DLGAP2: variants seen among roughly 807,000 people sequenced by gnomAD.
The protein encoded by DLGAP2 is DLG associated protein 2.
In DLGAP2, 26 loss-of-function variants were observed where a neutral mutation model predicts 100.3. The ratio of observed to expected loss-of-function variants is 0.26; its 90% CI spans 0.19 to 0.36. The LOEUF is 0.36. Ranked by LOEUF, DLGAP2 falls within the 10% of genes least tolerant of loss-of-function variation. The pLI is 1.00. For missense variants in DLGAP2, 1,858 were observed against 1,453.2 expected (o/e 1.28, Z -4.53); for synonymous variants, 886 against 630.1 (o/e 1.41, Z -6.08).
chr8:1,295,593 G>C (rs1800153122), intron 3 of DLGAP2, among the ~76,000 whole-genome samples: 1 of 152,198 alleles, frequency 6.6e-6, no homozygotes, highest in Admixed American at 6.5e-5. Flanking sequence ...CTCCACAAAG[G>C]CAGGGGAACA....
chr8:1,144,159 G>C (rs567345962), intron 2 of DLGAP2, among the ~76,000 whole-genome samples: 2 of 152,304 alleles, frequency 1.3e-5, no homozygotes, highest in East Asian at 3.9e-4. Context: ...GAGGCAAAAA[G>C]AAAGGAGGGG....
At chr8:1,123,165 G>C (rs920547676) in intron 2 of DLGAP2, among the ~76,000 whole-genome samples, 2 of 152,152 alleles carry the variant, frequency 1.3e-5, no homozygotes. Context: ...TGACAATTTT[G>C]TGAATTATGA....
rs182458626 is a variant in DLGAP2, at chr8:1,334,119, C to T, written c.106+75236C>T. 7.7e-4 allele frequency among the ~76,000 whole-genome samples: 117 copies of T among 152,356 alleles called. 1 individual carries two copies. Among genetic ancestry groups the T allele is most frequent in the Admixed American group, 2.1e-3 (32 of 15,306 alleles). ...TGCCTGGACTGGAAAGAGTGACACA[C>T]AGTGATGCCAGTGAGTCTGAGAGCT... On this transcript the variant is annotated intron_variant, in intron 3 of 14. Transcript: ENST00000637795.
chr8:833,331 C>G (rs1205709964), intron 1 of DLGAP2, among the ~76,000 whole-genome samples: 11 of 152,188 alleles, frequency 7.2e-5, no homozygotes, highest in Admixed American at 7.2e-4. Context: ...CATTTATTAT[C>G]TTAGAGTTCT....
At chr8:1,109,911 A>G (rs1329101841) in intron 2 of DLGAP2, among the ~76,000 whole-genome samples, 10 of 5,422 alleles carry the variant, frequency 1.8e-3, no homozygotes, top group Non-Finnish European at 1.8e-3. Context: ...GCACGTGCCT[A>G]TGAAGTGTGC....
intron 6 of DLGAP2, among the ~76,000 whole-genome samples, chr8:1,609,446 G>A (rs1395470441): frequency 1.5e-5 from 2 of 137,512 alleles, no homozygotes; most frequent in Non-Finnish European, 3.2e-5. Flanking sequence ...ATGCCAAAAT[G>A]TAAAGACCAT....
At chr8:1,195,368 C>T (rs1212665963) in intron 2 of DLGAP2, among the ~76,000 whole-genome samples, 1 of 152,208 alleles carries the variant, frequency 6.6e-6, no homozygotes, top group Non-Finnish European at 1.5e-5. Flanking sequence ...CACGCAGCCA[C>T]CGACAGGTCA....
intron 2 of DLGAP2, among the ~76,000 whole-genome samples, chr8:1,115,667 G>C (rs935536137): frequency 6.6e-6 from 1 of 152,164 alleles, no homozygotes; most frequent in Non-Finnish European, 1.5e-5. Context: ...CGGAGGTGTA[G>C]CTGTGAAGTG....
At chr8:1,228,840 C>G (rs1378671872) in intron 2 of DLGAP2, among the ~76,000 whole-genome samples, 4 of 152,114 alleles carry the variant, frequency 2.6e-5, no homozygotes, top group South Asian at 2.1e-4. Context: ...TGGTTAAGGA[C>G]TGAAAATTTT....
chr8:1,136,667 A>G (rs1290354355), intron 2 of DLGAP2, among the ~76,000 whole-genome samples: 7 of 152,184 alleles, frequency 4.6e-5, no homozygotes, highest in Non-Finnish European at 7.3e-5. Context: ...ATGCTCTTCA[A>G]ATTGAATGTG....
chr8:961,432 C>T (rs1799723215), intron 2 of DLGAP2, among the ~76,000 whole-genome samples: 2 of 152,070 alleles, frequency 1.3e-5, no homozygotes, highest in African/African-American at 2.4e-5. Context: ...CCCTGTTTGC[C>T]GAGGTTCTGG....
At chr8:1,350,959 A>T (rs1801707588) in intron 3 of DLGAP2, among the ~76,000 whole-genome samples, 4 of 131,692 alleles carry the variant, frequency 3.0e-5, no homozygotes, top group African/African-American at 9.6e-5. Context: ...TGTGTGTGGA[A>T]AGGCCGTGCG....
At chr8:1,273,690 T>A (rs983608918) in intron 3 of DLGAP2, among the ~76,000 whole-genome samples, 2 of 152,242 alleles carry the variant, frequency 1.3e-5, no homozygotes, top group East Asian at 3.9e-4. Flanking sequence ...TTAATCCAAA[T>A]TCTCCAGCCC....
chr8:848,016 C>G (rs989761443), intron 1 of DLGAP2, among the ~76,000 whole-genome samples: 28 of 152,072 alleles, frequency 1.8e-4, no homozygotes, highest in African/African-American at 6.3e-4. Flanking sequence ...TTTAGTGGCA[C>G]CTGCAAGTGT....
At chr8:1,253,122 A>G (rs1799086595) in intron 2 of DLGAP2, among the ~76,000 whole-genome samples, 1 of 152,166 alleles carries the variant, frequency 6.6e-6, no homozygotes, top group South Asian at 2.1e-4. Context: ...AGGAGCACAG[A>G]TGCTCTTTGC....
At chr8:904,611 C>T (rs539012554) in intron 1 of DLGAP2, among the ~76,000 whole-genome samples, 1 of 152,212 alleles carries the variant, frequency 6.6e-6, no homozygotes, top group Non-Finnish European at 1.5e-5. Flanking sequence ...TTCTGCTTTC[C>T]TCAGATGAGG....
intron 2 of DLGAP2, among the ~76,000 whole-genome samples, chr8:1,166,746 A>C (rs7827976): frequency 6.6e-5 from 10 of 152,092 alleles, no homozygotes; most frequent in Non-Finnish European, 1.2e-4. Context: ...TCAATAAATT[A>C]TACAATTATT....
At chr8:943,100 A>G (rs1799232138) in intron 2 of DLGAP2, among the ~76,000 whole-genome samples, 1 of 152,222 alleles carries the variant, frequency 6.6e-6, no homozygotes, top group Admixed American at 6.5e-5. Context: ...CTCAGCTGGC[A>G]TCACATTGTT....
Position 1,255,518 on chromosome 8 carries a change from CATCTCCT to C in DLGAP2, c.74-3332_74-3326del, listed in dbSNP as rs1162384729. On this transcript the variant is annotated intron_variant, in intron 2 of 14. Coordinates refer to ENST00000637795, the MANE Select transcript of DLGAP2 (RefSeq NM_001346810.2). ...TCTTGCCCGGGCGCTGTGTGTGTGT[CATCTCCT>C]GCCTGGGAGCTGTGTGTCTGTCCTC... is the stretch of plus-strand genomic sequence containing the variant. 2.7e-3 allele frequency among the ~76,000 whole-genome samples: 348 copies of C among 130,192 alleles called. 21 individuals carry two copies. Among genetic ancestry groups the C allele is most frequent in the African/African-American group, 9.6e-3 (270 of 27,992 alleles). 85.4% of individuals were successfully genotyped at this position (130,192 alleles called of 152,430 possible).
Sources: allele counts gnomAD v4.1 joint callset (sites outside exome capture counted in the v4.1 genomes callset), GRCh38; gene constraint gnomAD v4.1.1; transcripts MANE v1.5; gene names NCBI Gene and HGNC (gene_info 2026-07-23, HGNC 2026-07-21).